MYH15: variants seen among roughly 807,000 people sequenced by gnomAD.
MYH15 encodes myosin-15.
Under a neutral mutation model 240.5 loss-of-function variants are expected in MYH15, and 227 were observed. That is an observed-to-expected ratio of 0.94 (90% CI 0.85 to 1.05). The LOEUF is 1.05. Among genes scored for constraint, MYH15 ranks in the 50% least tolerant of loss-of-function variants. The probability of loss-of-function intolerance (pLI) is 0.00; values close to 1 mark genes in which losing one functional copy is unlikely to be tolerated. For synonymous variants in MYH15, 785 were observed against 796.7 expected, an observed-to-expected ratio of 0.99 and a Z score of 0.25; for missense variants, 2,217 against 2,247.5, an observed-to-expected ratio of 0.99 and a Z score of 0.27.
chr3:108,395,795 T>G (rs1186546272), intron 35 of MYH15, among the ~76,000 whole-genome samples: 1 of 152,100 alleles, frequency 6.6e-6, no homozygotes, highest in East Asian at 1.9e-4. Flanking sequence ...ATGCAGGAGG[T>G]AGCTAAGAAG....
chr3:108,510,315 G>T (rs2083511881), intron 1 of MYH15, 128 bp downstream of exon 1: 1 of 1,246,294 alleles, frequency 8.0e-7, no homozygotes, highest in East Asian at 2.4e-5. Flanking sequence ...GTTTCCTAGA[G>T]GCTGATCATA....
intron 33 of MYH15, among the ~76,000 whole-genome samples, chr3:108,400,444 G>A (rs1266652376): frequency 6.6e-6 from 1 of 152,098 alleles, no homozygotes; most frequent in Non-Finnish European, 1.5e-5. Flanking sequence ...TTCTCATAGA[G>A]CCTATCTCCA....
intron 18 of MYH15, among the ~76,000 whole-genome samples, chr3:108,458,428 T>C (rs1399284968): frequency 1.3e-5 from 2 of 152,154 alleles, no homozygotes; most frequent in African/African-American, 4.8e-5. Context: ...GCAGCATCAT[T>C]GTTTTGTATC....
chr3:108,402,041 A>C (rs1321050614), intron 33 of MYH15, among the ~76,000 whole-genome samples: 1 of 152,236 alleles, frequency 6.6e-6, no homozygotes, highest in Non-Finnish European at 1.5e-5. Context: ...TCATTAGCTC[A>C]GCATTTAAAT....
rs760717886 is a variant in MYH15 at position 108,455,753 on chromosome 3, G to A, written c.2245C>T (p.Arg749Ter). The change falls in exon 20 of 41, where the codon CGA (arginine) becomes TGA (stop). Residue 749 changes from arginine to a stop codon, truncating the protein, a stop_gained. Transcript: ENST00000693548. LOFTEE classifies it high-confidence loss of function. ...GSLEIDHTQY[R>*]FGITKVFFKA... ...CTGGTTACCTTAGTGATTCCAAATC[G>A]GTACTGGGTATGGTCTATCTCCAAG... The A allele has an allele frequency of 5.6e-6, 9 of 1,613,552 alleles. No homozygotes were observed. Among genetic ancestry groups the A allele is most frequent in the South Asian group, 1.1e-5 (1 of 91,038 alleles).
intron 9 of MYH15, among the ~76,000 whole-genome samples, chr3:108,488,487 T>C (rs2083322327): frequency 6.6e-6 from 1 of 152,066 alleles, no homozygotes; most frequent in Non-Finnish European, 1.5e-5. Context: ...TTTAAATTTT[T>C]TGTAGAAACG....
intron 36 of MYH15, among the ~76,000 whole-genome samples, chr3:108,392,526 T>C (rs780412851): frequency 9.2e-5 from 14 of 152,230 alleles, no homozygotes; most frequent in Non-Finnish European, 2.1e-4. Context: ...AAGAACTGTT[T>C]TGAGAATCTC....
chr3:108,524,695 G>T (rs1282602136), intron 1 of MYH15, among the ~76,000 whole-genome samples: 1 of 152,000 alleles, frequency 6.6e-6, no homozygotes, highest in Non-Finnish European at 1.5e-5. Flanking sequence ...ATTGCCCTTT[G>T]CAAGTAGCGT....
rs761269701 is a variant in MYH15 at position 108,416,879 on chromosome 3, GA to G, written c.3880del (p.Ser1294ProfsTer14). 1.9e-6 allele frequency: 3 copies of G among 1,613,996 alleles called. No individual in the cohort carries two copies. The highest frequency in any genetic ancestry group is 2.5e-6 in the Non-Finnish European group (3 of 1,179,964). On this transcript the variant is annotated frameshift_variant, in exon 29 of 41. Coordinates refer to ENST00000693548, the MANE Select transcript of MYH15 (RefSeq NM_014981.3). LOFTEE classifies it high-confidence loss of function. Reference protein sequence around the residue: ...EEKEALINQLSREKSNFTRQI... With the variant: ...EEKEALINQLXREKSNFTRQI... Reference sequence around the variant, plus strand: ...CCGAGTGAAGTTGCTCTTTTCCCTGGAAAGTTGGTTTATCAGAGCCTCCTTC... The same window carrying G: ...CCGAGTGAAGTTGCTCTTTTCCCTGGAAGTTGGTTTATCAGAGCCTCCTTC...
chr3:108,473,175 T>A (rs992774960), intron 12 of MYH15, among the ~76,000 whole-genome samples: 8 of 152,092 alleles, frequency 5.3e-5, no homozygotes, highest in African/African-American at 1.9e-4. Flanking sequence ...GCCCGGCTAA[T>A]TTTTTGTATT....
At position 108,498,083 on chromosome 3, in the gene MYH15, A is replaced by G. The variant is rs766518957; in HGVS notation, c.587T>C (p.Ile196Thr). Residue 196 changes from isoleucine to threonine, a missense_variant, in exon 6 of 41, where the codon ATA (isoleucine) becomes ACA (threonine). Coordinates refer to ENST00000693548, the MANE Select transcript of MYH15 (RefSeq NM_014981.3). ...TTTCCTGGATTCAATCATGGCTGCT[A>G]TGGTGGCAAAATACTGGATAATATG... Reference protein sequence around the residue: ...SKHIIQYFATIAAMIESRKKQ... With the variant: ...SKHIIQYFATTAAMIESRKKQ... The G allele has an allele frequency of 6.2e-7, 1 of 1,614,018 alleles. No individual in the cohort carries two copies. Among genetic ancestry groups the G allele is most frequent in the South Asian group, 1.1e-5 (1 of 91,072 alleles).
the MYH15 span, among the ~76,000 whole-genome samples, chr3:108,546,261 T>C: frequency 6.6e-6 from 1 of 152,186 alleles, no homozygotes; most frequent in Non-Finnish European, 1.5e-5. Flanking sequence ...AGATGAACAG[T>C]GCTGTCTTTT....
chr3:108,428,922 A>G (rs1190801118), intron 26 of MYH15, 41 bp from the exon 27 acceptor site: 1 of 1,533,164 alleles, frequency 6.5e-7, no homozygotes, highest in African/African-American at 1.4e-5. Flanking sequence ...AAGCACTTGT[A>G]GCAAGAGCTT....
chr3:108,412,490 G>C (rs1446176219), intron 30 of MYH15, among the ~76,000 whole-genome samples: 32 of 152,146 alleles, frequency 2.1e-4, no homozygotes, highest in Admixed American at 2.1e-3. Context: ...TTTATTAGCA[G>C]TGTGAGAACA....
chr3:108,518,439 C>T (rs1042983640), intron 1 of MYH15, among the ~76,000 whole-genome samples: 2 of 152,208 alleles, frequency 1.3e-5, no homozygotes, highest in Admixed American at 1.3e-4. Context: ...GCTGTATTCT[C>T]TCAGTCTCCC....
intron 35 of MYH15, 128 bp downstream of exon 35, chr3:108,398,509 T>TG (rs66851291): frequency 0.74 from 630,983 of 852,708 alleles, 236,239 homozygotes; most frequent in Middle Eastern, 0.81. Flanking sequence ...AGTATGAACA[T>TG]GCCTTGCTTC....
At chr3:108,472,622 C>T (rs2083186551) in intron 12 of MYH15, among the ~76,000 whole-genome samples, 1 of 152,178 alleles carries the variant, frequency 6.6e-6, no homozygotes, top group Non-Finnish European at 1.5e-5. Context: ...AAGAACATGA[C>T]TAACTTGCTC....
intron 33 of MYH15, among the ~76,000 whole-genome samples, chr3:108,400,144 C>A (rs1475790016): frequency 1.3e-5 from 2 of 152,166 alleles, no homozygotes; most frequent in South Asian, 2.1e-4. Flanking sequence ...CCCTTTCTAC[C>A]AAACTTGATG....
intron 11 of MYH15, among the ~76,000 whole-genome samples, chr3:108,479,533 C>A (rs1287418718): frequency 6.6e-6 from 1 of 152,158 alleles, no homozygotes. Flanking sequence ...GGGTCCCTGG[C>A]AAGTTGTAAA....
Sources: gnomAD v4.1 joint callset for allele counts (sites outside exome capture counted in the v4.1 genomes callset) on GRCh38, gnomAD v4.1.1 for gene constraint, MANE v1.5 for transcripts, NCBI Gene and HGNC (gene_info 2026-07-23, HGNC 2026-07-21) for gene names.